CNBD1: variants seen among roughly 807,000 people sequenced by gnomAD.
CNBD1 encodes the protein cyclic nucleotide-binding domain-containing protein 1.
In CNBD1, 71 loss-of-function variants were observed where a neutral mutation model predicts 54.4. That is an observed-to-expected ratio of 1.30 (90% CI 1.08 to 1.59). The LOEUF (loss-of-function observed/expected upper bound fraction) is 1.59. Ranked by LOEUF, CNBD1 falls within the 40% of genes most tolerant of loss-of-function variation. The probability of loss-of-function intolerance (pLI) is 0.00; values close to 1 mark genes in which losing one functional copy is unlikely to be tolerated. For missense variants in CNBD1, 659 were observed against 518.0 expected (o/e 1.27, Z -2.64); for synonymous variants, 182 against 170.7 (o/e 1.07, Z -0.51).
Position 87,353,702 on chromosome 8 carries a change from G to C in CNBD1, c.1219G>C (p.Val407Leu). ...KEKESFGEIS[V>L]LLQVPFTCTI... ...GAAGGAGTCCTTTGGTGAGATTAGC[G>C]TCCTTCTTCAAGTTCCTTTCACGTG... Residue 407 changes from valine (V) to leucine (L), a missense_variant, in exon 10 of 11, where the codon GTC becomes CTC. Val to Leu is a conservative substitution (Grantham distance 32). Transcript: ENST00000518476. The C allele has an allele frequency of 6.2e-7, 1 of 1,610,196 alleles. No individual in the cohort carries two copies.
chr8:87,292,386 G>A (rs1808804513), intron 8 of CNBD1, among the ~76,000 whole-genome samples: 1 of 152,178 alleles, frequency 6.6e-6, no homozygotes, highest in South Asian at 2.1e-4. Flanking sequence ...ATCACCAAGA[G>A]TAAAAGATTT....
intron 9 of CNBD1, 137 bp downstream of exon 9, chr8:87,351,931 G>A: frequency 1.1e-6 from 1 of 887,864 alleles, no homozygotes; most frequent in Non-Finnish European, 1.5e-6. Flanking sequence ...AAATTTTTGT[G>A]TTTGTTTTTG....
intron 4 of CNBD1, among the ~76,000 whole-genome samples, chr8:87,109,520 GTTTC>G (rs201936600): frequency 0.012 from 1,641 of 140,740 alleles, 27 homozygotes; most frequent in African/African-American, 0.035. Flanking sequence ...GTCAGGGTTT[GTTTC>G]TTTCTTTCTT....
chr8:87,354,253 A>G (rs2130930389), intron 10 of CNBD1, among the ~76,000 whole-genome samples: 1 of 141,932 alleles, frequency 7.0e-6, no homozygotes, highest in South Asian at 2.2e-4. Context: ...TAATAATATT[A>G]GTCTAAGTCA....
intron 4 of CNBD1, among the ~76,000 whole-genome samples, chr8:87,156,447 G>A: frequency 6.7e-6 from 1 of 150,010 alleles, no homozygotes; most frequent in East Asian, 2.0e-4. Flanking sequence ...ATTTTGTCAT[G>A]TTGGCCAGGC....
chr8:87,111,758 C>A (rs997773205), intron 4 of CNBD1, among the ~76,000 whole-genome samples: 1 of 152,144 alleles, frequency 6.6e-6, no homozygotes, highest in South Asian at 2.1e-4. Context: ...ATGAGCATTT[C>A]CATGGATCCC....
At chr8:87,295,563 G>A (rs569956053) in intron 8 of CNBD1, among the ~76,000 whole-genome samples, 2 of 152,116 alleles carry the variant, frequency 1.3e-5, no homozygotes, top group South Asian at 2.1e-4. Context: ...AATTCCCCAT[G>A]AGTAGATGGA....
At chr8:87,072,213 A>G (rs1169014364) in intron 4 of CNBD1, among the ~76,000 whole-genome samples, 1 of 151,948 alleles carries the variant, frequency 6.6e-6, no homozygotes, top group Non-Finnish European at 1.5e-5. Context: ...TTTGCGTGTA[A>G]GATGTGTCCC....
At chr8:87,171,645 T>C (rs550196155) in intron 4 of CNBD1, among the ~76,000 whole-genome samples, 99 of 152,070 alleles carry the variant, frequency 6.5e-4, no homozygotes, top group Non-Finnish European at 1.2e-3. Context: ...TCTTTCTTTT[T>C]TTTTCTTTTT....
At chr8:87,369,896 G>T (rs1462705674) in intron 10 of CNBD1, among the ~76,000 whole-genome samples, 1 of 151,452 alleles carries the variant, frequency 6.6e-6, no homozygotes, top group South Asian at 2.1e-4. Context: ...CCCCACAACA[G>T]TCCCCAGAGT....
In CNBD1 at chr8:87,101,280, A is replaced by G. The variant is rs545629837; in HGVS notation, c.432-104713A>G. Among the ~76,000 whole-genome samples the G allele has an allele frequency of 2.0e-5, 3 of 152,334 alleles. No individual in the cohort carries two copies. In the East Asian group the frequency reaches 5.8e-4, roughly 29 times the overall value. On this transcript the variant is annotated intron_variant, in intron 4 of 10. Transcript: ENST00000518476. Reference sequence around the variant, plus strand: ...GGTATTGTTAACATCTTCAAAAACCAAAGGAAAAACATAATTATAGTGAAT... The same window carrying G: ...GGTATTGTTAACATCTTCAAAAACCGAAGGAAAAACATAATTATAGTGAAT...
chr8:86,899,203 A>G (rs971338055), intron 2 of CNBD1, among the ~76,000 whole-genome samples: 3 of 152,098 alleles, frequency 2.0e-5, no homozygotes, highest in Admixed American at 6.6e-5. Context: ...AGGTCAGAGG[A>G]TACAAAGTAG....
chr8:87,175,950 G>T (rs1290897609), intron 4 of CNBD1, among the ~76,000 whole-genome samples: 1 of 152,164 alleles, frequency 6.6e-6, no homozygotes, highest in Non-Finnish European at 1.5e-5. Flanking sequence ...CCCCTCCATT[G>T]GTGGGGGTCA....
chr8:87,411,003 T>A (rs76646361), intron 2 of CNBD1, among the ~76,000 whole-genome samples: 2,759 of 152,190 alleles, frequency 0.018, 81 homozygotes, highest in African/African-American at 0.06. Context: ...CACTTAATAG[T>A]CTATACACTG....
intron 4 of CNBD1, among the ~76,000 whole-genome samples, chr8:87,197,724 G>C (rs1005601756): frequency 2.0e-5 from 3 of 152,162 alleles, no homozygotes; most frequent in East Asian, 1.9e-4. Flanking sequence ...TTTTGAGTTA[G>C]AATATGTAAA....
Position 87,382,689 on chromosome 8 carries a change from G to A in CNBD1, c.*62G>A, listed in dbSNP as rs146355101. 502 of 1,240,930 alleles carry A rather than the reference G, an allele frequency of 4.0e-4. 2 individuals carry two copies. In the African/African-American group the frequency reaches 6.4e-3, roughly 16 times the overall value. 76.9% of individuals were successfully genotyped at this position (1,240,930 alleles called of 1,614,324 possible). A position where few individuals can be genotyped will look rare whatever the true frequency, so the allele number is the denominator to read the frequency against. On this transcript the variant is annotated 3_prime_UTR_variant, in exon 11 of 11. Transcript: ENST00000518476. Reference sequence around the variant, plus strand: ...GTATTGACTAAATAATGGAATAATTGCATTCTGGAATACTATCAAACTACC... The same window carrying A: ...GTATTGACTAAATAATGGAATAATTACATTCTGGAATACTATCAAACTACC...
At chr8:87,409,687 C>A (rs1807707306) in intron 2 of CNBD1, among the ~76,000 whole-genome samples, 1 of 152,096 alleles carries the variant, frequency 6.6e-6, no homozygotes, top group Non-Finnish European at 1.5e-5. Flanking sequence ...AGCTAATCCT[C>A]ATTTACCACT....
chr8:87,355,156 G>T (rs1214952823), intron 10 of CNBD1, among the ~76,000 whole-genome samples: 11 of 152,148 alleles, frequency 7.2e-5, no homozygotes, highest in Non-Finnish European at 1.5e-4. Flanking sequence ...TATGTACAAA[G>T]ACAACATAGC....
chr8:87,415,150 A>G (rs924456734), intron 2 of CNBD1, among the ~76,000 whole-genome samples: 4 of 152,062 alleles, frequency 2.6e-5, no homozygotes, highest in African/African-American at 7.2e-5. Context: ...TGATTTCTGC[A>G]TTCTGCACCT....
Sources: gnomAD v4.1 joint callset for allele counts (sites outside exome capture counted in the v4.1 genomes callset) on GRCh38, gnomAD v4.1.1 for gene constraint, MANE v1.5 for transcripts, NCBI Gene and HGNC (gene_info 2026-07-23, HGNC 2026-07-21) for gene names.